Variants in MYO1B observed in about 807,000 individuals in gnomAD.
MYO1B encodes myosin IB.
MYO1B carries 72 observed loss-of-function variants against 159.7 expected under a neutral mutation model. That is an observed-to-expected ratio of 0.45 (90% CI 0.37 to 0.55). The LOEUF is 0.55. MYO1B is among the 20% of genes least tolerant of loss of function. The pLI is 0.00. For synonymous variants in MYO1B, 468 were observed against 473.8 expected, an observed-to-expected ratio of 0.99 and a Z score of 0.16; for missense variants, 1,062 against 1,364.8, an observed-to-expected ratio of 0.78 and a Z score of 3.50.
intron 3 of MYO1B, among the ~76,000 whole-genome samples, chr2:191,316,687 C>G (rs1293873213): frequency 6.6e-6 from 1 of 152,166 alleles, no homozygotes; most frequent in Non-Finnish European, 1.5e-5. Flanking sequence ...TTCCAAATCT[C>G]TGTAGATTTT....
intron 6 of MYO1B, among the ~76,000 whole-genome samples, chr2:191,349,173 G>A (rs1049580337): frequency 3.9e-5 from 6 of 152,144 alleles, no homozygotes; most frequent in East Asian, 1.9e-4. Flanking sequence ...CCATGCTTTC[G>A]CTTGTGCCTA....
intron 4 of MYO1B, among the ~76,000 whole-genome samples, chr2:191,340,914 A>G (rs10188550): frequency 7.5e-4 from 114 of 152,086 alleles, no homozygotes; most frequent in African/African-American, 2.6e-3. Flanking sequence ...TAGAAGAGAC[A>G]GGGTTTCACC....
chr2:191,261,706 G>A (rs1038787507), intron 1 of MYO1B, among the ~76,000 whole-genome samples: 1 of 152,118 alleles, frequency 6.6e-6, no homozygotes, highest in Non-Finnish European at 1.5e-5. Flanking sequence ...AGGGTAATGA[G>A]GTCTACCGCA....
intron 13 of MYO1B, among the ~76,000 whole-genome samples, chr2:191,378,709 C>T (rs1324554096): frequency 6.6e-6 from 1 of 151,840 alleles, no homozygotes; most frequent in Admixed American, 6.6e-5. Flanking sequence ...AGTGGTAAAG[C>T]GTTGGGACGG....
intron 24 of MYO1B, among the ~76,000 whole-genome samples, chr2:191,405,498 A>G (rs1696863290): frequency 6.6e-6 from 1 of 152,232 alleles, no homozygotes; most frequent in Admixed American, 6.5e-5. Flanking sequence ...GATCCACCAG[A>G]GGAATCACTG....
At chr2:191,383,556 A>G (rs997300632) in intron 15 of MYO1B, among the ~76,000 whole-genome samples, 2 of 145,364 alleles carry the variant, frequency 1.4e-5, no homozygotes, top group Non-Finnish European at 3.0e-5. Context: ...ACATATATAT[A>G]TATGTTAAGG....
At chr2:191,313,192 C>CTGTTTTTT (rs1690117216) in intron 3 of MYO1B, among the ~76,000 whole-genome samples, 1 of 42,992 alleles carries the variant, frequency 2.3e-5, no homozygotes, top group Non-Finnish European at 3.7e-5. Context: ...GCACACATGG[C>CTGTTTTTT]TTTTTTTTTT....
At chr2:191,372,433 T>C (rs1306647392) in intron 13 of MYO1B, among the ~76,000 whole-genome samples, 1 of 152,212 alleles carries the variant, frequency 6.6e-6, no homozygotes, top group Non-Finnish European at 1.5e-5. Flanking sequence ...GAAACTGAGT[T>C]ATAACTCATA....
At chr2:191,301,358 G>T (rs1689319910) in intron 3 of MYO1B, among the ~76,000 whole-genome samples, 1 of 152,204 alleles carries the variant, frequency 6.6e-6, no homozygotes, top group African/African-American at 2.4e-5. Context: ...GCTGAGAAGG[G>T]AGAGATGAGG....
At chr2:191,376,234 G>A (rs2126056809) in intron 13 of MYO1B, among the ~76,000 whole-genome samples, 1 of 152,176 alleles carries the variant, frequency 6.6e-6, no homozygotes, top group African/African-American at 2.4e-5. Context: ...ATTCAATTTT[G>A]TAAATGTCTA....
At chr2:191,327,746 A>T (rs566114982) in intron 3 of MYO1B, among the ~76,000 whole-genome samples, 2 of 152,358 alleles carry the variant, frequency 1.3e-5, no homozygotes, top group East Asian at 1.9e-4. Context: ...AGAGACAGAG[A>T]TCAGTGCACA....
At chr2:191,395,425 T>C (rs1350712786) in intron 20 of MYO1B, among the ~76,000 whole-genome samples, 1 of 152,196 alleles carries the variant, frequency 6.6e-6, no homozygotes, top group Non-Finnish European at 1.5e-5. Flanking sequence ...AGACATAGCC[T>C]GGTAGCCTGG....
intron 1 of MYO1B, among the ~76,000 whole-genome samples, chr2:191,253,981 C>G (rs984816060): frequency 1.3e-5 from 2 of 152,030 alleles, no homozygotes; most frequent in African/African-American, 4.8e-5. Context: ...TGCCAAGGTG[C>G]TTCATGGTTT....
intron 6 of MYO1B, among the ~76,000 whole-genome samples, chr2:191,349,234 G>C (rs1692762769): frequency 6.6e-6 from 1 of 152,196 alleles, no homozygotes. Context: ...AATAAGTGCA[G>C]ACCTAAAAGG....
intron 1 of MYO1B, chr2:191,263,678 G>A (rs565774975): frequency 2.6e-4 from 39 of 152,052 alleles, no homozygotes; most frequent in African/African-American, 8.9e-4. Context: ...TGCTCCATAC[G>A]TGGTCAAGGT....
chr2:191,323,104 T>A (rs1334164665), intron 3 of MYO1B, among the ~76,000 whole-genome samples: 1 of 152,192 alleles, frequency 6.6e-6, no homozygotes, highest in African/African-American at 2.4e-5. Flanking sequence ...TTGTAGATTG[T>A]CATGGTGCTG....
intron 1 of MYO1B, among the ~76,000 whole-genome samples, chr2:191,274,305 A>G (rs757339544): frequency 7.2e-5 from 11 of 152,212 alleles, no homozygotes; most frequent in Non-Finnish European, 1.3e-4. Context: ...TCTTTGGATT[A>G]GAAAGTTGGG....
intron 4 of MYO1B, among the ~76,000 whole-genome samples, chr2:191,333,890 G>A (rs945978514): frequency 1.5e-4 from 23 of 152,142 alleles, no homozygotes; most frequent in African/African-American, 5.5e-4. Context: ...AATGAAAATG[G>A]TGGCAAGGCA....
chr2:191,344,082 C>T (rs35868016), intron 5 of MYO1B, among the ~76,000 whole-genome samples: 51,863 of 151,974 alleles, frequency 0.34, 9,054 homozygotes, highest in South Asian at 0.5. Context: ...CCTTCACTTG[C>T]CCCTGACCTT....
Sources: allele counts gnomAD v4.1 joint callset (sites outside exome capture counted in the v4.1 genomes callset), GRCh38; gene constraint gnomAD v4.1.1; transcripts MANE v1.5; gene names NCBI Gene and HGNC (gene_info 2026-07-23, HGNC 2026-07-21).